Variants in IL1RAPL1 observed in about 807,000 individuals in gnomAD.
IL1RAPL1 encodes interleukin-1 receptor accessory protein-like 1.
Under a neutral mutation model 48.4 loss-of-function variants are expected in IL1RAPL1, and 3 were observed. The ratio of observed to expected loss-of-function variants is 0.06; its 90% CI spans 0.03 to 0.16. The LOEUF is 0.16. Ranked by LOEUF, IL1RAPL1 falls within the 10% of genes least tolerant of loss-of-function variation. IL1RAPL1 has a pLI of 1.00. For missense variants in IL1RAPL1, 349 were observed against 530.6 expected, an observed-to-expected ratio of 0.66 and a Z score of 3.36; for synonymous variants, 185 against 187.7, an observed-to-expected ratio of 0.99 and a Z score of 0.12.
At position 29,360,449 on chromosome X, in the gene IL1RAPL1, A is replaced by T. The variant is rs188697942; in HGVS notation, c.363-35809A>T. Among the ~76,000 whole-genome samples, 64 of 112,017 alleles carry T rather than the reference A, an allele frequency of 5.7e-4. 1 individual carries two copies. The highest frequency in any genetic ancestry group is 2.0e-3 in the African/African-American group (63 of 30,910). On this transcript the variant is annotated intron_variant, in intron 3 of 10. Coordinates refer to ENST00000378993, the MANE Select transcript of IL1RAPL1 (RefSeq NM_014271.4). The stretch of plus-strand genomic sequence containing the variant: ...TTCAGATTTATTTGAATTATTTTTG[A>T]CCATTGAGTCACACATGGAGTGGAT...
At chrX:29,378,283 T>A (rs1287046908) in intron 3 of IL1RAPL1, among the ~76,000 whole-genome samples, 1 of 111,983 alleles carries the variant, frequency 8.9e-6, no homozygotes, top group African/African-American at 3.2e-5. Context: ...TTTACTTGAT[T>A]CATTGGATTC....
At chrX:28,714,025 G>T (rs182349505) in intron 1 of IL1RAPL1, among the ~76,000 whole-genome samples, 105 of 111,792 alleles carry the variant, frequency 9.4e-4, no homozygotes, top group Admixed American at 1.0e-3. Flanking sequence ...ATTATCACAC[G>T]TTTTAAGTAA....
chrX:29,509,186 T>C (rs895522730), intron 5 of IL1RAPL1, among the ~76,000 whole-genome samples: 2 of 111,849 alleles, frequency 1.8e-5, no homozygotes. Flanking sequence ...TGTCAGAAAA[T>C]GTAGTCTGGA....
chrX:29,678,614 C>T (rs1009862214), intron 6 of IL1RAPL1, among the ~76,000 whole-genome samples: 8 of 108,689 alleles, frequency 7.4e-5, no homozygotes, highest in East Asian at 2.9e-4. Context: ...GTGATCTGCC[C>T]GCCTCTGCCT....
At chrX:29,727,832 G>A (rs1186805774) in intron 6 of IL1RAPL1, among the ~76,000 whole-genome samples, 1 of 111,151 alleles carries the variant, frequency 9.0e-6, no homozygotes, top group Non-Finnish European at 1.9e-5. Context: ...TTGAAATCTA[G>A]CCTCTATTAT....
intron 6 of IL1RAPL1, among the ~76,000 whole-genome samples, chrX:29,902,555 G>A (rs1055465533): frequency 9.0e-6 from 1 of 110,513 alleles, no homozygotes; most frequent in Non-Finnish European, 1.9e-5. Context: ...TCACTGCGCA[G>A]CCCTCTGATT....
At position 29,554,742 on chromosome X, in the gene IL1RAPL1, A is replaced by G. The variant is rs1228204344; in HGVS notation, c.704-113688A>G. On this transcript the variant is annotated intron_variant, in intron 5 of 10. Transcript: ENST00000378993. ...CCCTCTAATATACAGTTGATCCATA[A>G]TGGTGTGCCTTAAGCTTTCTTCAAA... Among the ~76,000 whole-genome samples, 5 of 111,427 alleles carry G rather than the reference A, an allele frequency of 4.5e-5. No individual in the cohort carries two copies. The East Asian group carries it at 1.4e-3, about 31-fold the overall frequency.
chrX:28,659,168 A>C, intron 1 of IL1RAPL1: 1 of 672,569 alleles, frequency 1.5e-6, no homozygotes, highest in Non-Finnish European at 2.4e-6. Context: ...AAAAAGGCCA[A>C]CCAGCTAGGC....
chrX:29,732,089 T>C (rs1297539200), intron 6 of IL1RAPL1, among the ~76,000 whole-genome samples: 1 of 111,901 alleles, frequency 8.9e-6, no homozygotes, highest in African/African-American at 3.2e-5. Context: ...CTTCAAAACA[T>C]CAGATATTTA....
chrX:29,867,275 G>A (rs1931714892), intron 6 of IL1RAPL1, among the ~76,000 whole-genome samples: 1 of 112,244 alleles, frequency 8.9e-6, no homozygotes, highest in Non-Finnish European at 1.9e-5. Flanking sequence ...AATGAAAAAT[G>A]TGTTTTAAAT....
intron 3 of IL1RAPL1, among the ~76,000 whole-genome samples, chrX:29,379,859 C>T (rs933060603): frequency 9.0e-5 from 10 of 111,008 alleles, no homozygotes; most frequent in Non-Finnish European, 1.5e-4. Flanking sequence ...GCCATCTTGT[C>T]CCACTTCCTA....
chrX:29,741,922 CAAAAAAAAAAAAGAAAAAAA>C (rs1391332031), intron 6 of IL1RAPL1, among the ~76,000 whole-genome samples: 749 of 25,729 alleles, frequency 0.029, 10 homozygotes, highest in African/African-American at 0.09. Flanking sequence ...GAGACTCCGT[CAAAAAAAAAAAAGAAAAAAA>C]AAAAAAAAAA....
At chrX:28,963,779 T>A (rs1924849139) in intron 2 of IL1RAPL1, among the ~76,000 whole-genome samples, 1 of 111,221 alleles carries the variant, frequency 9.0e-6, no homozygotes, top group Non-Finnish European at 1.9e-5. Flanking sequence ...CTGTGCAAAC[T>A]TCCATCATCT....
At chrX:28,731,173 A>G (rs4269709) in intron 1 of IL1RAPL1, among the ~76,000 whole-genome samples, 27,439 of 111,042 alleles carry the variant, frequency 0.25, 2,836 homozygotes, top group Middle Eastern at 0.42. Flanking sequence ...TTAAAAGAAT[A>G]TCTGTCACGT....
intron 2 of IL1RAPL1, among the ~76,000 whole-genome samples, chrX:29,265,208 T>A (rs549499285): frequency 9.0e-6 from 1 of 110,877 alleles, no homozygotes; most frequent in South Asian, 3.8e-4. Context: ...CCACCACGCC[T>A]GGCCCTGTTT....
chrX:29,128,476 G>A (rs1928946531), intron 2 of IL1RAPL1, among the ~76,000 whole-genome samples: 1 of 111,347 alleles, frequency 9.0e-6, no homozygotes, highest in Non-Finnish European at 1.9e-5. Context: ...TCCTCCCCAA[G>A]CACCTTCTGT....
Position 28,779,632 on chromosome X carries a change from GTGTATATATATATATATATATA to G in IL1RAPL1, c.-24-9686_-24-9665del, listed in dbSNP as rs1290473642. Among the ~76,000 whole-genome samples, 194 of 54,655 alleles carry G rather than the reference GTGTATATATATATATATATATA, an allele frequency of 3.5e-3. 1 individual carries two copies. The highest frequency in any genetic ancestry group is 0.018 in the African/African-American group (191 of 10,810). 47.5% of individuals were successfully genotyped at this position (54,655 alleles called of 115,157 possible). A position where few individuals can be genotyped will look rare whatever the true frequency, so the allele number is the denominator to read the frequency against. On this transcript the variant is annotated intron_variant, in intron 1 of 10. Transcript: ENST00000378993. Reference sequence around the variant, plus strand: ...GTGATACTATTATGTGTGTGTGTGTGTGTATATATATATATATATATATATATATATATATATATATATATAG... The same window carrying G: ...GTGATACTATTATGTGTGTGTGTGTGTATATATATATATATATATATATAG...
intron 2 of IL1RAPL1, among the ~76,000 whole-genome samples, chrX:28,791,149 T>G (rs1936535667): frequency 1.8e-5 from 2 of 111,188 alleles, no homozygotes; most frequent in South Asian, 7.6e-4. Context: ...ATTTATTTAT[T>G]CAAATAGAAA....
At chrX:29,818,172 G>C (rs1930536455) in intron 6 of IL1RAPL1, among the ~76,000 whole-genome samples, 1 of 111,892 alleles carries the variant, frequency 8.9e-6, no homozygotes, top group Admixed American at 9.5e-5. Context: ...TAAAAGTAAA[G>C]AAATGAATGT....
Sources: gnomAD v4.1 joint callset for allele counts (sites outside exome capture counted in the v4.1 genomes callset) on GRCh38, gnomAD v4.1.1 for gene constraint, MANE v1.5 for transcripts, NCBI Gene and HGNC (gene_info 2026-07-23, HGNC 2026-07-21) for gene names.